MCU: variants seen among roughly 807,000 people sequenced by gnomAD.
The protein encoded by MCU is mitochondrial calcium uniporter, also known as calcium uniporter protein, mitochondrial.
MCU carries 12 observed loss-of-function variants against 45.2 expected under a neutral mutation model. That is an observed-to-expected ratio of 0.27 (90% CI 0.17 to 0.43). MCU has a LOEUF of 0.43. Ranked by LOEUF, MCU falls within the 20% of genes least tolerant of loss-of-function variation. The probability of loss-of-function intolerance (pLI) is 1.00; values close to 1 mark genes in which losing one functional copy is unlikely to be tolerated. For missense variants in MCU, 324 were observed against 436.7 expected (o/e 0.74, Z 2.30); for synonymous variants, 160 against 165.1 (o/e 0.97, Z 0.24).
chr10:72,868,993 CTGAA>C, intron 5 of MCU, 130 bp downstream of exon 5: 2 of 947,476 alleles, frequency 2.1e-6, no homozygotes, highest in South Asian at 2.0e-5. Flanking sequence ...GTTTATGGGA[CTGAA>C]CCATAAAAAA....
At chr10:72,800,659 C>T (rs1337126153) in intron 1 of MCU, among the ~76,000 whole-genome samples, 1 of 152,200 alleles carries the variant, frequency 6.6e-6, no homozygotes, top group Non-Finnish European at 1.5e-5. Flanking sequence ...CAAAAGCAAA[C>T]ATCCTGTAAC....
intron 1 of MCU, among the ~76,000 whole-genome samples, chr10:72,701,867 C>T (rs1842762507): frequency 6.6e-6 from 1 of 152,000 alleles, no homozygotes; most frequent in East Asian, 1.9e-4. Flanking sequence ...TTTCCTCACC[C>T]TCCCCTCCCG....
Position 72,692,197 on chromosome 10 carries a change from C to CGGGGCGGCGGCGGCG in MCU, c.53_67dup (p.Gly18_Gly22dup). 7.9e-7 allele frequency: 1 copy of CGGGGCGGCGGCGGCG among 1,265,706 alleles called. No individual in the cohort carries two copies. The highest frequency in any genetic ancestry group is 3.1e-5 in the East Asian group (1 of 32,688). The allele number at this position is 1,265,706 out of a possible 1,614,324, so 78.4% of individuals were successfully genotyped here. On this transcript the variant is annotated inframe_insertion, in exon 1 of 8. Transcript: ENST00000373053. ...ATCGCTCCTGCTGCTCCTCTCCTCT[C>CGGGGCGGCGGCGGCG]GGGGCGGCGGCGGCGGGGGCGCCGG...
intron 1 of MCU, among the ~76,000 whole-genome samples, chr10:72,728,359 A>G (rs1843126912): frequency 1.3e-5 from 2 of 152,208 alleles, no homozygotes; most frequent in African/African-American, 4.8e-5. Context: ...AGGCTGTTTA[A>G]AGGTACTGAA....
chr10:72,741,570 T>G (rs1311968839), intron 1 of MCU, among the ~76,000 whole-genome samples: 1 of 152,216 alleles, frequency 6.6e-6, no homozygotes, highest in Non-Finnish European at 1.5e-5. Context: ...GAGAGGCATC[T>G]TAACAGTGAG....
intron 1 of MCU, among the ~76,000 whole-genome samples, chr10:72,704,314 A>G (rs1202265283): frequency 1.3e-5 from 2 of 152,186 alleles, no homozygotes; most frequent in Non-Finnish European, 2.9e-5. Flanking sequence ...GTAGATTATC[A>G]CTTACTACCA....
At chr10:72,784,730 TGA>T (rs1285491155) in intron 1 of MCU, among the ~76,000 whole-genome samples, 2 of 152,146 alleles carry the variant, frequency 1.3e-5, no homozygotes, top group Non-Finnish European at 2.9e-5. Context: ...CGTGGGTGTG[TGA>T]GTGAGGGCTG....
chr10:72,859,486 G>A (rs1424806923), intron 3 of MCU, 139 bp downstream of exon 3: 2 of 651,106 alleles, frequency 3.1e-6, no homozygotes, highest in African/African-American at 1.8e-5. Context: ...CTTTTGCTTA[G>A]CACTTACCAG....
intron 1 of MCU, among the ~76,000 whole-genome samples, chr10:72,742,022 C>CAAAAAA (rs59028044): frequency 0.012 from 860 of 71,946 alleles, 1 homozygote; most frequent in East Asian, 0.044. Context: ...GACTCCGTCT[C>CAAAAAA]AAAAAAAAAA....
intron 1 of MCU, among the ~76,000 whole-genome samples, chr10:72,778,463 G>C (rs1843933260): frequency 6.6e-6 from 1 of 152,158 alleles, no homozygotes; most frequent in Non-Finnish European, 1.5e-5. Context: ...ATATGTGGGA[G>C]CTTAAAAAGT....
chr10:72,876,964 T>C (rs1414738452), intron 6 of MCU, among the ~76,000 whole-genome samples: 2 of 150,000 alleles, frequency 1.3e-5, no homozygotes, highest in African/African-American at 2.4e-5. Flanking sequence ...CTCTGTCTCC[T>C]AGGCTAGAAT....
intron 1 of MCU, among the ~76,000 whole-genome samples, chr10:72,790,625 T>G (rs1302301359): frequency 6.6e-6 from 1 of 152,230 alleles, no homozygotes; most frequent in South Asian, 2.1e-4. Flanking sequence ...CTTATTAAAT[T>G]AAATATCTGA....
chr10:72,877,399 A>G (rs1394476957), intron 6 of MCU, among the ~76,000 whole-genome samples: 1 of 152,226 alleles, frequency 6.6e-6, no homozygotes, highest in Non-Finnish European at 1.5e-5. Context: ...CTTTCCCTCA[A>G]GTTCTTAATC....
chr10:72,693,171 TGA>T (rs1842645993), intron 1 of MCU: 2 of 1,073,300 alleles, frequency 1.9e-6, no homozygotes, highest in Non-Finnish European at 2.7e-6. Context: ...CACTCTTGGG[TGA>T]GTGTGTGTGT....
At chr10:72,883,326 T>C (rs1471968380) in intron 6 of MCU, among the ~76,000 whole-genome samples, 1 of 152,210 alleles carries the variant, frequency 6.6e-6, no homozygotes, top group Non-Finnish European at 1.5e-5. Context: ...TGTGACTATA[T>C]TATAAACCAT....
chr10:72,853,466 G>A (rs530319445), intron 2 of MCU, among the ~76,000 whole-genome samples: 145 of 152,274 alleles, frequency 9.5e-4, no homozygotes, highest in African/African-American at 3.3e-3. Flanking sequence ...CTGAGAGGGG[G>A]AAAAAAGCCC....
chr10:72,752,897 A>G (rs1426009081), intron 1 of MCU, among the ~76,000 whole-genome samples: 2 of 152,256 alleles, frequency 1.3e-5, no homozygotes. Context: ...AAATGAATCA[A>G]CAGGCAGTCT....
chr10:72,741,098 CTTTTTTT>C (rs11310286), intron 1 of MCU, among the ~76,000 whole-genome samples: 6 of 124,656 alleles, frequency 4.8e-5, no homozygotes, highest in Admixed American at 2.4e-4. Flanking sequence ...TTTTCTTTTT[CTTTTTTT>C]TTTTTTTTTT....
At chr10:72,883,161 G>A (rs1845731153) in intron 6 of MCU, among the ~76,000 whole-genome samples, 2 of 152,174 alleles carry the variant, frequency 1.3e-5, no homozygotes, top group Non-Finnish European at 2.9e-5. Context: ...TATATGAAAT[G>A]TCCAGAATAG....
Sources: gnomAD v4.1 joint callset for allele counts (sites outside exome capture counted in the v4.1 genomes callset) on GRCh38, gnomAD v4.1.1 for gene constraint, MANE v1.5 for transcripts, NCBI Gene and HGNC (gene_info 2026-07-23, HGNC 2026-07-21) for gene names.